Variants in ZAN observed in about 807,000 individuals in gnomAD.
The protein encoded by ZAN is zonadhesin, also known as zonadhesin (gene/pseudogene).
In ZAN, 260 loss-of-function variants were observed where a neutral mutation model predicts 286.2. That is an observed-to-expected ratio of 0.91 (90% CI 0.82 to 1.01). ZAN has a LOEUF of 1.01. Among genes scored for constraint, ZAN ranks in the 50% least tolerant of loss-of-function variants. The pLI is 0.00. For missense variants in ZAN, 3,410 were observed against 3,639.2 expected (o/e 0.94, Z 1.62); for synonymous variants, 1,368 against 1,417.5 (o/e 0.97, Z 0.79).
chr7:100,783,311 C>A (rs149769323), intron 35 of ZAN, among the ~76,000 whole-genome samples: 2 of 151,888 alleles, frequency 1.3e-5, no homozygotes, highest in Admixed American at 1.3e-4. Flanking sequence ...ACAAAATAAA[C>A]GACTTATGGA....
At chr7:100,739,210 C>T (rs1208154204) in intron 7 of ZAN, among the ~76,000 whole-genome samples, 3 of 135,386 alleles carry the variant, frequency 2.2e-5, no homozygotes, top group African/African-American at 8.1e-5. Context: ...CAGGGTTTCA[C>T]CATGTTGGCC....
chr7:100,779,350 C>T, intron 34 of ZAN, 96 bp from the exon 35 acceptor site: 1 of 1,288,326 alleles, frequency 7.8e-7, no homozygotes, highest in South Asian at 1.5e-5. Context: ...TGCACTCCAG[C>T]CTGGGTGACA....
intron 20 of ZAN, 61 bp downstream of exon 20, chr7:100,762,419 CTTTTTTTTTTTT>C (rs869138443): frequency 3.7e-5 from 38 of 1,019,224 alleles, no homozygotes; most frequent in Admixed American, 1.0e-4. Flanking sequence ...CTGGAACTCT[CTTTTTTTTTTTT>C]TTTTTTTTTT....
intron 7 of ZAN, among the ~76,000 whole-genome samples, chr7:100,742,973 A>G: frequency 8.0e-6 from 1 of 125,344 alleles, no homozygotes; most frequent in Non-Finnish European, 1.8e-5. Context: ...GGGTCGATGC[A>G]GAGAGGCTGT....
At chr7:100,780,070 G>A (rs1811100888) in intron 35 of ZAN, among the ~76,000 whole-genome samples, 2 of 151,938 alleles carry the variant, frequency 1.3e-5, no homozygotes, top group African/African-American at 2.4e-5. Flanking sequence ...GCACATGCCT[G>A]TAATCCCAGC....
rs774854566 is a variant in ZAN at position 100,771,925 on chromosome 7, G to A, written c.5330G>A (p.Gly1777Asp). 8 of 1,612,766 alleles carry A rather than the reference G, an allele frequency of 5.0e-6. No individual in the cohort carries two copies. In the African/African-American group the frequency reaches 8.0e-5, roughly 16 times the overall value. Residue 1777 changes from glycine (G) to aspartate (D), a missense_variant, in exon 29 of 48, where the codon GGC (glycine) becomes GAC (aspartate). Transcript: ENST00000613979. ...SCVHGQCGTKGDTTALCRSLQ... is the reference protein window; with the variant it reads ...SCVHGQCGTKDDTTALCRSLQ... ...GTGCATGGTCAGTGTGGGACCAAGG[G>A]CGACACCACAGCCCTGTGCCGCTCC... is the stretch of plus-strand genomic sequence containing the variant.
In ZAN at chr7:100,773,829, T is replaced by A. The variant is rs1466838495; in HGVS notation, c.5743T>A (p.Trp1915Arg). The change falls in exon 31 of 48, where the codon TGG becomes AGG. Residue 1915 changes from tryptophan (W) to arginine (R), a missense_variant. This residue lies in a region of ZAN where 1,289 missense variants were observed against 1,314.3 expected (regional missense o/e 0.98). Coordinates refer to ENST00000613979, the MANE Select transcript of ZAN (RefSeq NM_003386.3). ...CACCTGCAAACCCAACCAGATATGCTGGGCCCTGGATGGGCTGCTCCATTG... is the reference window on the plus strand; with the variant it reads ...CACCTGCAAACCCAACCAGATATGCAGGGCCCTGGATGGGCTGCTCCATTG... ...QSTCKPNQIC[W>R]ALDGLLHCRA... 6.3e-7 allele frequency: 1 copy of A among 1,593,030 alleles called. No individual in the cohort carries two copies. Among genetic ancestry groups the A allele is most frequent in the African/African-American group, 1.5e-5 (1 of 66,386 alleles).
At chr7:100,796,719 A>T (rs1170886424) in intron 45 of ZAN, among the ~76,000 whole-genome samples, 1 of 152,048 alleles carries the variant, frequency 6.6e-6, no homozygotes, top group Non-Finnish European at 1.5e-5. Context: ...CCCAACCAGA[A>T]TCTGCATTTT....
At chr7:100,761,429 C>T (rs1263632472) in intron 19 of ZAN, among the ~76,000 whole-genome samples, 1 of 151,926 alleles carries the variant, frequency 6.6e-6, no homozygotes, top group Non-Finnish European at 1.5e-5. Context: ...CACTTGAGGC[C>T]AGGAGTTCCA....
intron 14 of ZAN, among the ~76,000 whole-genome samples, chr7:100,754,057 A>T (rs911488073): frequency 6.6e-6 from 1 of 152,100 alleles, no homozygotes; most frequent in Admixed American, 6.6e-5. Flanking sequence ...AGTTCATACA[A>T]ATGGAATCAT....
intron 25 of ZAN, among the ~76,000 whole-genome samples, chr7:100,767,476 T>G (rs1297387134): frequency 7.1e-6 from 1 of 139,936 alleles, no homozygotes; most frequent in Non-Finnish European, 1.6e-5. Flanking sequence ...CGTTTTTTTT[T>G]TTTTTTTTTT....
At chr7:100,782,585 C>T (rs1309650597) in intron 35 of ZAN, among the ~76,000 whole-genome samples, 1 of 152,178 alleles carries the variant, frequency 6.6e-6, no homozygotes, top group African/African-American at 2.4e-5. Context: ...CCCGCCTCGT[C>T]CTCCCCAAGT....
chr7:100,757,088 C>T (rs927698234), intron 15 of ZAN, among the ~76,000 whole-genome samples: 2 of 152,038 alleles, frequency 1.3e-5, no homozygotes, highest in African/African-American at 4.8e-5. Flanking sequence ...CTAATAGATT[C>T]ATTTATGCAT....
chr7:100,797,208 G>A (rs1473654081), intron 45 of ZAN, among the ~76,000 whole-genome samples, 158 bp from the exon 46 acceptor site: 1 of 152,146 alleles, frequency 6.6e-6, no homozygotes, highest in Admixed American at 6.6e-5. Flanking sequence ...TGGAGTCCCT[G>A]GAGGTGAGAA....
At chr7:100,748,059 G>T in intron 9 of ZAN, 78 bp from the exon 10 acceptor site, 4 of 1,210,876 alleles carry the variant, frequency 3.3e-6, no homozygotes, top group Non-Finnish European at 4.9e-6. Context: ...CTGGGTCCTG[G>T]AATGGAGTCG....
Position 100,735,772 on chromosome 7 carries a change from T to G in ZAN, c.106T>G (p.Tyr36Asp). 1 of 1,498,170 alleles carries G rather than the reference T, an allele frequency of 6.7e-7. No individual in the cohort carries two copies. The highest frequency in any genetic ancestry group is 1.2e-5 in the South Asian group (1 of 86,522). 92.8% of individuals were successfully genotyped at this position (1,498,170 alleles called of 1,614,324 possible). A position where few individuals can be genotyped will look rare whatever the true frequency, so the allele number is the denominator to read the frequency against. The stretch of plus-strand genomic sequence containing the variant: ...GGTTGTTCGCAGCTCTAGGGACAAC[T>G]GTGAGTTGGAAACCAGGAGTGCTAA... ...KLVVRSSRDN[Y>D]VLTQCDFEDD... is the part of the protein sequence containing the mutation. The change falls in exon 3 of 48, where the codon TAT becomes GAT. Residue 36 changes from tyrosine to aspartate, a missense_variant and splice_region_variant. Around this residue, in one of 7 missense-constraint regions of ZAN, gnomAD observed 872 missense variants for 938.9 expected, o/e 0.93. Transcript: ENST00000613979.
chr7:100,762,511 C>T lies in ZAN; in HGVS notation c.3986+153C>T, dbSNP rs3824085. Among the ~76,000 whole-genome samples the T allele has an allele frequency of 6.9e-4, 104 of 150,324 alleles. 1 individual carries two copies. The East Asian group carries it at 0.014, about 20-fold the overall frequency. ...TGCGATCTCAGCTCACTGCAACCTC[C>T]GCCTCCCAGGCTCAAGCAATTATCC... On this transcript the variant is annotated intron_variant, in intron 20 of 47. Coordinates refer to ENST00000613979, the MANE Select transcript of ZAN (RefSeq NM_003386.3).
rs762868522 is a variant in ZAN at position 100,749,639 on chromosome 7, C to CAAAAAAA, written c.1250-979_1250-973dup. Among the ~76,000 whole-genome samples the CAAAAAAA allele has an allele frequency of 3.5e-3, 236 of 66,856 alleles. 6 individuals are homozygous for CAAAAAAA. Among genetic ancestry groups the CAAAAAAA allele is most frequent in the African/African-American group, 0.013 (230 of 18,176 alleles). 43.9% of individuals were successfully genotyped at this position (66,856 alleles called of 152,430 possible). A position where few individuals can be genotyped will look rare whatever the true frequency, so the allele number is the denominator to read the frequency against. On this transcript the variant is annotated intron_variant, in intron 11 of 47. Transcript: ENST00000613979. Reference sequence around the variant, plus strand: ...TGGGTGACAGAGTGAGACTCCGTCTCAAAAAAAAAAAAATATATATATATA... The same window carrying CAAAAAAA: ...TGGGTGACAGAGTGAGACTCCGTCTCAAAAAAAAAAAAAAAAAAAATATATATATATA...
rs190609361 is a variant in ZAN, at chr7:100,751,433, G to A, written c.1606+167G>A. ...CTCTCCTTCCCCTGCACTTCAAGAT[G>A]TTTGCCTGGGTGAATGTGGCTTCGA... On this transcript the variant is annotated intron_variant, in intron 13 of 47. Coordinates refer to ENST00000613979, the MANE Select transcript of ZAN (RefSeq NM_003386.3). Among the ~76,000 whole-genome samples, 442 of 152,304 alleles carry A rather than the reference G, an allele frequency of 2.9e-3. 3 individuals carry two copies. Among genetic ancestry groups the A allele is most frequent in the Admixed American group, 5.0e-3 (76 of 15,288 alleles).
Sources: allele counts gnomAD v4.1 joint callset (sites outside exome capture counted in the v4.1 genomes callset), GRCh38; gene constraint gnomAD v4.1.1; regional missense constraint gnomAD v4.1.1; transcripts MANE v1.5; gene names NCBI Gene and HGNC (gene_info 2026-07-23, HGNC 2026-07-21).